PHF20: variants seen among roughly 807,000 people sequenced by gnomAD.
The protein encoded by PHF20 is PHD finger protein 20.
Under a neutral mutation model 113.5 loss-of-function variants are expected in PHF20, and 23 were observed. That is an observed-to-expected ratio of 0.20 (90% CI 0.15 to 0.29). The LOEUF is 0.29. PHF20 is among the 10% of genes least tolerant of loss of function. The pLI is 1.00. For synonymous variants in PHF20, 434 were observed against 457.3 expected, an observed-to-expected ratio of 0.95 and a Z score of 0.65; for missense variants, 943 against 1,219.6, an observed-to-expected ratio of 0.77 and a Z score of 3.38.
intron 1 of PHF20, among the ~76,000 whole-genome samples, chr20:35,776,807 C>A (rs1000696754): frequency 6.6e-6 from 1 of 152,168 alleles, no homozygotes; most frequent in Non-Finnish European, 1.5e-5. Context: ...TCAGGCAAGT[C>A]ACTTAATGCT....
intron 3 of PHF20, chr20:35,845,516 C>T (rs1000468286): frequency 2.3e-4 from 43 of 187,416 alleles, no homozygotes; most frequent in Non-Finnish European, 3.5e-5. Flanking sequence ...TAGGCATGTA[C>T]CACTGTGCCT....
At chr20:35,793,185 C>T (rs371546073) in intron 1 of PHF20, among the ~76,000 whole-genome samples, 17 of 152,072 alleles carry the variant, frequency 1.1e-4, no homozygotes, top group African/African-American at 2.7e-4. Flanking sequence ...TCCTTTCTGC[C>T]GGAGATTCTT....
intron 1 of PHF20, among the ~76,000 whole-genome samples, chr20:35,776,460 C>T (rs1361273494): frequency 6.6e-6 from 1 of 152,192 alleles, no homozygotes; most frequent in African/African-American, 2.4e-5. Context: ...GATGATCTTT[C>T]TCCTTTTGTA....
At chr20:35,790,909 A>C (rs2041532112) in intron 1 of PHF20, among the ~76,000 whole-genome samples, 1 of 152,000 alleles carries the variant, frequency 6.6e-6, no homozygotes. Flanking sequence ...CCCAGGCTGG[A>C]CTGCAGTGGC....
chr20:35,870,697 T>G (rs1225054856), intron 7 of PHF20, among the ~76,000 whole-genome samples: 1 of 151,274 alleles, frequency 6.6e-6, no homozygotes, highest in East Asian at 1.9e-4. Flanking sequence ...AGAACATAGT[T>G]GTCAAGATTC....
At chr20:35,837,197 A>G (rs1443021389) in intron 2 of PHF20, among the ~76,000 whole-genome samples, 1 of 152,120 alleles carries the variant, frequency 6.6e-6, no homozygotes, top group African/African-American at 2.4e-5. Context: ...AAACAAAAAC[A>G]AAAACAAAAA....
chr20:35,894,632 G>A (rs2054943263), intron 9 of PHF20, among the ~76,000 whole-genome samples: 1 of 152,178 alleles, frequency 6.6e-6, no homozygotes, highest in Admixed American at 6.5e-5. Context: ...GCACTTATGT[G>A]CCGTACACCT....
At chr20:35,853,362 G>C (rs1030657537) in intron 4 of PHF20, 1 of 152,166 alleles carries the variant, frequency 6.6e-6, no homozygotes, top group African/African-American at 2.4e-5. Flanking sequence ...TTTCAGACCA[G>C]CCTGAGAAAA....
intron 4 of PHF20, among the ~76,000 whole-genome samples, chr20:35,850,163 G>A (rs934265934): frequency 6.6e-6 from 1 of 152,070 alleles, no homozygotes; most frequent in African/African-American, 2.4e-5. Context: ...TGGTAGCCTT[G>A]TTAGACCCTC....
intron 9 of PHF20, among the ~76,000 whole-genome samples, chr20:35,872,296 G>GC (rs2054436468): frequency 6.6e-6 from 1 of 152,080 alleles, no homozygotes; most frequent in Non-Finnish European, 1.5e-5. Context: ...GCCGAGGTGG[G>GC]TGGATTGCCT....
intron 9 of PHF20, among the ~76,000 whole-genome samples, chr20:35,893,844 G>C (rs889933962): frequency 4.6e-5 from 7 of 152,036 alleles, no homozygotes; most frequent in African/African-American, 1.7e-4. Flanking sequence ...TTGAACTCCT[G>C]ACCTCAGGTG....
chr20:35,946,930 G>T (rs2056096103), intron 17 of PHF20, among the ~76,000 whole-genome samples: 1 of 152,012 alleles, frequency 6.6e-6, no homozygotes, highest in Non-Finnish European at 1.5e-5. Flanking sequence ...GGATGGTCTT[G>T]ATCTCTTGAC....
intron 9 of PHF20, among the ~76,000 whole-genome samples, chr20:35,877,904 G>A (rs541653497): frequency 3.9e-5 from 6 of 152,246 alleles, no homozygotes; most frequent in East Asian, 1.9e-4. Flanking sequence ...GTTATAAAAC[G>A]AATGAATTGT....
At chr20:35,850,394 C>T (rs1397283374) in intron 4 of PHF20, among the ~76,000 whole-genome samples, 5 of 146,110 alleles carry the variant, frequency 3.4e-5, no homozygotes, top group Non-Finnish European at 6.0e-5. Flanking sequence ...CTGCAACCTC[C>T]ACCTCCTGGG....
rs115158282 is a variant in PHF20, at chr20:35,862,383, A to G, written c.421-630A>G. Reference sequence around the variant, plus strand: ...CAGTATAGTCATGCTGGGGATAAGGACAGAGCATGAAGGCATTTTCTTCGA... The same window carrying G: ...CAGTATAGTCATGCTGGGGATAAGGGCAGAGCATGAAGGCATTTTCTTCGA... On this transcript the variant is annotated intron_variant, in intron 5 of 17. Transcript: ENST00000374012. Among the ~76,000 whole-genome samples, 1,296 of 152,322 alleles carry G rather than the reference A, an allele frequency of 8.5e-3. 14 individuals are homozygous for G. The highest frequency in any genetic ancestry group is 0.029 in the African/African-American group (1,207 of 41,560).
Position 35,899,442 on chromosome 20 carries a change from T to G in PHF20, c.1355T>G (p.Phe452Cys). ...NAPAVDLDHKFRCKVVDCLKF... is the reference protein window; with the variant it reads ...NAPAVDLDHKCRCKVVDCLKF... Reference sequence around the variant, plus strand: ...CCAGCTGTCGACCTAGACCATAAGTTTAGATGCAAAGTTGTGGACTGTTTA... The same window carrying G: ...CCAGCTGTCGACCTAGACCATAAGTGTAGATGCAAAGTTGTGGACTGTTTA... Residue 452 changes from phenylalanine to cysteine, a missense_variant, in exon 10 of 18, where the codon TTT (phenylalanine) becomes TGT (cysteine). Physicochemically the swap from Phe to Cys is radical, Grantham distance 205 (BLOSUM62 -2). Coordinates refer to ENST00000374012, the MANE Select transcript of PHF20 (RefSeq NM_016436.5). 1 of 1,614,174 alleles carries G rather than the reference T, an allele frequency of 6.2e-7. No individual in the cohort carries two copies. Among genetic ancestry groups the G allele is most frequent in the East Asian group, 2.2e-5 (1 of 44,886 alleles).
intron 10 of PHF20, among the ~76,000 whole-genome samples, chr20:35,908,034 G>A (rs897022508): frequency 1.3e-5 from 2 of 152,210 alleles, no homozygotes; most frequent in Non-Finnish European, 2.9e-5. Context: ...CAGATGAGAT[G>A]GATTAATTTG....
At chr20:35,944,464 G>A (rs2056049851) in intron 17 of PHF20, among the ~76,000 whole-genome samples, 1 of 152,214 alleles carries the variant, frequency 6.6e-6, no homozygotes, top group Non-Finnish European at 1.5e-5. Context: ...CTTAAGAGGG[G>A]CCTCTCAGCA....
chr20:35,865,505 T>TG (rs1211893772), intron 6 of PHF20, among the ~76,000 whole-genome samples: 1 of 110,254 alleles, frequency 9.1e-6, no homozygotes, highest in African/African-American at 3.3e-5. Flanking sequence ...GTGTTTTTTT[T>TG]TTTTTTTTTT....
Sources: allele counts gnomAD v4.1 joint callset (sites outside exome capture counted in the v4.1 genomes callset), GRCh38; gene constraint gnomAD v4.1.1; transcripts MANE v1.5; gene names NCBI Gene and HGNC (gene_info 2026-07-23, HGNC 2026-07-21).